FGGY: variants seen among roughly 807,000 people sequenced by gnomAD.
FGGY encodes FGGY carbohydrate kinase domain-containing protein.
Under a neutral mutation model 71.3 loss-of-function variants are expected in FGGY, and 72 were observed. The ratio of observed to expected loss-of-function variants is 1.01; its 90% CI spans 0.84 to 1.23. The LOEUF (loss-of-function observed/expected upper bound fraction) is 1.23. FGGY is among the 50% of genes most tolerant of loss of function. The pLI is 0.00. For missense variants in FGGY, 668 were observed against 682.3 expected (o/e 0.98, Z 0.23); for synonymous variants, 251 against 250.3 (o/e 1.00, Z -0.02).
At chr1:59,575,220 G>A (rs151268549) in intron 8 of FGGY, among the ~76,000 whole-genome samples, 191 of 152,102 alleles carry the variant, frequency 1.3e-3, no homozygotes, top group African/African-American at 4.4e-3. Flanking sequence ...TATTCCTCCT[G>A]TCTAACCCAA....
At chr1:59,601,127 T>G (rs1164642361) in intron 8 of FGGY, among the ~76,000 whole-genome samples, 3 of 152,124 alleles carry the variant, frequency 2.0e-5, no homozygotes, top group African/African-American at 7.2e-5. Flanking sequence ...CACACATGCC[T>G]GTGGCTACCC....
chr1:59,510,888 A>C (rs2153629096), intron 6 of FGGY, among the ~76,000 whole-genome samples: 1 of 152,320 alleles, frequency 6.6e-6, no homozygotes, highest in Admixed American at 6.5e-5. Context: ...TCGCATACCC[A>C]AGTTGTTCCG....
At chr1:59,374,664 A>T (rs1013849214) in intron 4 of FGGY, among the ~76,000 whole-genome samples, 2 of 152,268 alleles carry the variant, frequency 1.3e-5, no homozygotes, top group African/African-American at 4.8e-5. Flanking sequence ...CAAATGTCCA[A>T]CAATGATAGA....
Position 59,617,634 on chromosome 1 carries a change from AC to A in FGGY, c.1012-8350del, listed in dbSNP as rs536250851. The stretch of plus-strand genomic sequence containing the variant: ...CCCAGACTTTGTCCACAGAACACTG[AC>A]CCCGTGCAGTTCCTACATCCAGATA... On this transcript the variant is annotated intron_variant, in intron 9 of 15. Transcript: ENST00000303721. 4.9e-4 allele frequency among the ~76,000 whole-genome samples: 74 copies of A among 152,140 alleles called. No homozygotes were observed. In the East Asian group the frequency reaches 0.014, roughly 28 times the overall value.
intron 1 of FGGY, among the ~76,000 whole-genome samples, chr1:59,300,231 C>T (rs968716229): frequency 6.6e-6 from 1 of 152,154 alleles, no homozygotes; most frequent in African/African-American, 2.4e-5. Context: ...ATCAAAAGAA[C>T]ATACCTAATA....
chr1:59,675,644 TG>T (rs1445849883), intron 14 of FGGY, among the ~76,000 whole-genome samples: 1 of 152,240 alleles, frequency 6.6e-6, no homozygotes, highest in Non-Finnish European at 1.5e-5. Flanking sequence ...TGGAGATATT[TG>T]TTGTTGAAAT....
At chr1:59,640,351 TCTG>T (rs879897528) in intron 11 of FGGY, among the ~76,000 whole-genome samples, 8 of 152,212 alleles carry the variant, frequency 5.3e-5, no homozygotes, top group African/African-American at 1.9e-4. Context: ...CTGAAATTCT[TCTG>T]TTATGTTATA....
intron 6 of FGGY, among the ~76,000 whole-genome samples, chr1:59,467,612 G>C (rs1342941677): frequency 6.6e-6 from 1 of 151,614 alleles, no homozygotes; most frequent in Non-Finnish European, 1.5e-5. Context: ...TTATTATAGA[G>C]TTACTACAAT....
intron 14 of FGGY, among the ~76,000 whole-genome samples, chr1:59,746,964 G>C (rs2098203404): frequency 6.6e-6 from 1 of 152,130 alleles, no homozygotes; most frequent in South Asian, 2.1e-4. Flanking sequence ...ATACAAACTA[G>C]GTAACGTATT....
chr1:59,665,846 T>G (rs991620359), intron 12 of FGGY, among the ~76,000 whole-genome samples: 3 of 152,156 alleles, frequency 2.0e-5, no homozygotes, highest in Non-Finnish European at 4.4e-5. Flanking sequence ...GCTATTTTTT[T>G]GTATTTTTAG....
intron 8 of FGGY, among the ~76,000 whole-genome samples, chr1:59,595,025 C>G (rs758214291): frequency 2.0e-5 from 3 of 152,134 alleles, no homozygotes; most frequent in Non-Finnish European, 4.4e-5. Context: ...CACTGATGCC[C>G]CTGCATTCAT....
intron 10 of FGGY, among the ~76,000 whole-genome samples, chr1:59,628,184 C>G (rs909137958): frequency 3.9e-5 from 6 of 152,132 alleles, no homozygotes; most frequent in African/African-American, 1.2e-4. Flanking sequence ...GCAGACACCA[C>G]CTTACCCAAG....
chr1:59,490,213 C>T lies in FGGY; in HGVS notation c.671-22098C>T, dbSNP rs557460690. On this transcript the variant is annotated intron_variant, in intron 6 of 15. Coordinates refer to ENST00000303721, the MANE Select transcript of FGGY (RefSeq NM_018291.5). ...CTACAGATGCACACCACCATACCCACCTAATTAAAAAAAATTTTTTTGGAC... is the reference window on the plus strand; with the variant it reads ...CTACAGATGCACACCACCATACCCATCTAATTAAAAAAAATTTTTTTGGAC... 2.0e-5 allele frequency among the ~76,000 whole-genome samples: 3 copies of T among 152,104 alleles called. No homozygotes were observed. The East Asian group carries it at 5.8e-4, about 29-fold the overall frequency.
At position 59,324,266 on chromosome 1, in the gene FGGY, CTTTTTTTT is replaced by C. The variant is rs71046329; in HGVS notation, c.201+2537_201+2544del. Among the ~76,000 whole-genome samples, 15 of 78,134 alleles carry C rather than the reference CTTTTTTTT, an allele frequency of 1.9e-4. No homozygotes were observed. In the East Asian group the frequency reaches 5.6e-3, roughly 29 times the overall value. The allele number at this position is 78,134 out of a possible 152,430, so 51.3% of individuals were successfully genotyped here. ...CTTCATTTTATCCTTATAATAACTA[CTTTTTTTT>C]TTTTTTTTTTTTTTTTTTTTGAGAC... On this transcript the variant is annotated intron_variant, in intron 2 of 15. Transcript: ENST00000303721.
chr1:59,323,377 A>G (rs1427665181), intron 2 of FGGY, among the ~76,000 whole-genome samples: 1 of 152,258 alleles, frequency 6.6e-6, no homozygotes, highest in East Asian at 1.9e-4. Flanking sequence ...ATCTGTCGAT[A>G]GCAATGCTAT....
intron 10 of FGGY, among the ~76,000 whole-genome samples, chr1:59,631,011 A>G (rs765302063): frequency 4.1e-4 from 63 of 152,160 alleles, no homozygotes; most frequent in Non-Finnish European, 5.3e-4. Flanking sequence ...AACGTTTCAT[A>G]TTAAGGTTAT....
chr1:59,725,197 T>C (rs758265256), intron 14 of FGGY, among the ~76,000 whole-genome samples: 1 of 152,234 alleles, frequency 6.6e-6, no homozygotes, highest in African/African-American at 2.4e-5. Context: ...ATTTCAAACA[T>C]GACTTGTTGA....
chr1:59,589,384 A>C (rs1406330966), intron 8 of FGGY, among the ~76,000 whole-genome samples: 1 of 152,182 alleles, frequency 6.6e-6, no homozygotes, highest in Non-Finnish European at 1.5e-5. Context: ...TCAACGAGAC[A>C]GAAAGTTAAC....
At position 59,536,579 on chromosome 1, in the gene FGGY, G is replaced by A. The variant is rs142679705; in HGVS notation, c.800-17545G>A. Among the ~76,000 whole-genome samples the A allele has an allele frequency of 7.1e-3, 1,079 of 152,176 alleles. 14 individuals carry two copies. Among genetic ancestry groups the A allele is most frequent in the African/African-American group, 0.024 (980 of 41,522 alleles). ...GATGAACACTGATGCAAAAATCCTC[G>A]GTAAAATACTGGCAAACCGAATCCA... On this transcript the variant is annotated intron_variant, in intron 7 of 15. Transcript: ENST00000303721.
Sources: allele counts gnomAD v4.1 joint callset (sites outside exome capture counted in the v4.1 genomes callset), GRCh38; gene constraint gnomAD v4.1.1; transcripts MANE v1.5; gene names NCBI Gene and HGNC (gene_info 2026-07-23, HGNC 2026-07-21).